Variants in PRDM16 observed in about 807,000 individuals in gnomAD.
PRDM16 encodes histone-lysine N-methyltransferase PRDM16.
A neutral mutation model predicts 110.6 loss-of-function variants in PRDM16; 23 were observed. The observed-to-expected ratio is 0.21, with a 90% CI of 0.15 to 0.29. The LOEUF is 0.29. Ranked by LOEUF, PRDM16 falls within the 10% of genes least tolerant of loss-of-function variation. The pLI is 1.00. For synonymous variants in PRDM16, 799 were observed against 781.8 expected (o/e 1.02, Z -0.37); for missense variants, 1,615 against 1,794.3 (o/e 0.90, Z 1.81).
intron 1 of PRDM16, among the ~76,000 whole-genome samples, chr1:3,139,886 G>C (rs971590671): frequency 2.6e-5 from 4 of 152,232 alleles, no homozygotes; most frequent in African/African-American, 9.6e-5. Flanking sequence ...CCCTGGTTCA[G>C]AGCTGTCCCC....
rs1373807500 is a variant in PRDM16, at chr1:3,438,047, T to C, written c.*4236T>C. ...GTTTAGTTTTGTTTTGTTTTGTTTT[T>C]TCTTTTAGAACTGTATAGTATTGAA... is the stretch of plus-strand genomic sequence containing the variant. On this transcript the variant is annotated 3_prime_UTR_variant, in exon 17 of 17. Coordinates refer to ENST00000270722, the MANE Select transcript of PRDM16 (RefSeq NM_022114.4). 4.8e-6 allele frequency: 1 copy of C among 209,498 alleles called. No individual in the cohort carries two copies. Among genetic ancestry groups the C allele is most frequent in the African/African-American group, 2.3e-5 (1 of 44,046 alleles). The allele number at this position is 209,498 out of a possible 1,614,324, so 13.0% of individuals were successfully genotyped here. A position where few individuals can be genotyped will look rare whatever the true frequency, so the allele number is the denominator to read the frequency against.
At chr1:3,219,457 T>C (rs774752145) in intron 2 of PRDM16, among the ~76,000 whole-genome samples, 2 of 152,230 alleles carry the variant, frequency 1.3e-5, no homozygotes, top group East Asian at 1.9e-4. Flanking sequence ...TTCTTTCCCC[T>C]TGGAGCTGGG....
rs1476958948 is a variant in PRDM16 at position 3,421,961 on chromosome 1, AAGAC to A, written c.2939+3224_2939+3227del. ...ACAGACAGGCAGGCGGACAGACAGG[AAGAC>A]AGACAGGCAGGCGGACAGACAGGCA... On this transcript the variant is annotated intron_variant, in intron 12 of 16. Transcript: ENST00000270722. Among the ~76,000 whole-genome samples the A allele has an allele frequency of 3.7e-4, 53 of 141,480 alleles. No individual in the cohort carries two copies. The East Asian group carries it at 8.1e-3, about 22-fold the overall frequency. 92.8% of individuals were successfully genotyped at this position (141,480 alleles called of 152,430 possible).
chr1:3,437,668 G>A lies in PRDM16; in HGVS notation c.*3857G>A. 4.4e-6 allele frequency: 1 copy of A among 226,516 alleles called. No individual in the cohort carries two copies. Among genetic ancestry groups the A allele is most frequent in the Non-Finnish European group, 8.8e-6 (1 of 113,832 alleles). 14.0% of individuals were successfully genotyped at this position (226,516 alleles called of 1,614,324 possible). A position where few individuals can be genotyped will look rare whatever the true frequency, so the allele number is the denominator to read the frequency against. On this transcript the variant is annotated 3_prime_UTR_variant, in exon 17 of 17. Transcript: ENST00000270722. ...CAAAACCATCCTTGCATTCTTCCTAGAAGAGTTCCTCTGCTCCTTCCATTC... is the reference window on the plus strand; with the variant it reads ...CAAAACCATCCTTGCATTCTTCCTAAAAGAGTTCCTCTGCTCCTTCCATTC...
At chr1:3,354,816 G>A (rs902393302) in intron 3 of PRDM16, among the ~76,000 whole-genome samples, 1 of 152,180 alleles carries the variant, frequency 6.6e-6, no homozygotes, top group Non-Finnish European at 1.5e-5. Flanking sequence ...GACAGGAGGG[G>A]ACATTTCGAT....
intron 1 of PRDM16, among the ~76,000 whole-genome samples, chr1:3,106,521 G>T (rs942280585): frequency 2.0e-5 from 3 of 152,210 alleles, no homozygotes; most frequent in Non-Finnish European, 4.4e-5. Flanking sequence ...CAGGGATGGG[G>T]ATCCTGCCAG....
intron 3 of PRDM16, among the ~76,000 whole-genome samples, chr1:3,310,450 G>A (rs1375027732): frequency 1.3e-5 from 2 of 152,182 alleles, no homozygotes; most frequent in African/African-American, 4.8e-5. Context: ...CCTCCTCTGA[G>A]CTCTGGCCCT....
intron 1 of PRDM16, among the ~76,000 whole-genome samples, chr1:3,079,977 A>T (rs1183557673): frequency 1.3e-5 from 2 of 152,252 alleles, no homozygotes; most frequent in African/African-American, 4.8e-5. Flanking sequence ...TGGTTGCCTC[A>T]GTAGCGCGTG....
chr1:3,099,429 C>T (rs1049843293), intron 1 of PRDM16, among the ~76,000 whole-genome samples: 6 of 152,230 alleles, frequency 3.9e-5, no homozygotes, highest in Non-Finnish European at 8.8e-5. Context: ...GCCCCGGAGC[C>T]CCGGATGCTC....
rs558542985 is a variant in PRDM16, at chr1:3,433,468, T to C, written c.3697-209T>C. On this transcript the variant is annotated intron_variant, in intron 16 of 16. Coordinates refer to ENST00000270722, the MANE Select transcript of PRDM16 (RefSeq NM_022114.4). ...ACTCACCTGCCTGTCCAGGATGGCC[T>C]GCCCTGCCCATCTGCTGCCTGTCTG... is the stretch of plus-strand genomic sequence containing the variant. Among the ~76,000 whole-genome samples the C allele has an allele frequency of 3.8e-4, 57 of 151,666 alleles. 1 individual carries two copies. Among genetic ancestry groups the C allele is most frequent in the South Asian group, 2.3e-3 (11 of 4,788 alleles).
rs554670298 is a variant in PRDM16, at chr1:3,416,793, C to T, written c.2692-1035C>T. On this transcript the variant is annotated intron_variant, in intron 10 of 16. Transcript: ENST00000270722. ...CTTCAGCAGGCTGGGTGTGTGGTGC[C>T]GAGGCCCGGGGTTTGTTCCCTGTTT... Among the ~76,000 whole-genome samples the T allele has an allele frequency of 6.6e-5, 10 of 152,306 alleles. No individual in the cohort carries two copies. In the East Asian group the frequency reaches 1.7e-3, roughly 27 times the overall value.
rs980178791 is a variant in PRDM16 at position 3,382,790 on chromosome 1, G to T, written c.439-2362G>T. 3.3e-5 allele frequency among the ~76,000 whole-genome samples: 5 copies of T among 152,190 alleles called. No individual in the cohort carries two copies. The South Asian group carries it at 8.3e-4, about 25-fold the overall frequency. On this transcript the variant is annotated intron_variant, in intron 3 of 16. Coordinates refer to ENST00000270722, the MANE Select transcript of PRDM16 (RefSeq NM_022114.4). This position sits in a 1 kb window ranked among gnomAD's most constrained non-coding sequence, Gnocchi z 6.6. ...TCCGGGTCCCAGGTGGGAGGGCACG[G>T]CCCGCCCTGGGTGAGCACCAGCCCT...
intron 3 of PRDM16, among the ~76,000 whole-genome samples, chr1:3,340,207 C>G (rs952594292): frequency 6.6e-6 from 1 of 152,084 alleles, no homozygotes; most frequent in Non-Finnish European, 1.5e-5. Context: ...GTAGCCGAGT[C>G]CTTACCTGGG....
At chr1:3,166,857 C>T (rs1365911786) in intron 1 of PRDM16, among the ~76,000 whole-genome samples, 2 of 152,222 alleles carry the variant, frequency 1.3e-5, no homozygotes, top group African/African-American at 4.8e-5. Flanking sequence ...GCTGGCCGTG[C>T]ACCCTGGTTC....
intron 2 of PRDM16, among the ~76,000 whole-genome samples, chr1:3,218,193 G>A (rs1048840817): frequency 3.0e-4 from 45 of 152,232 alleles, no homozygotes; most frequent in African/African-American, 1.1e-3. Flanking sequence ...GCAGGGAGCC[G>A]CAGGGCTCTT....
chr1:3,361,631 G>A (rs567295119), intron 3 of PRDM16, among the ~76,000 whole-genome samples: 10 of 152,360 alleles, frequency 6.6e-5, no homozygotes, highest in Non-Finnish European at 8.8e-5. Context: ...ATGGGGAATC[G>A]GAAGGATGGT....
At chr1:3,372,146 C>T (rs1642918210) in intron 3 of PRDM16, among the ~76,000 whole-genome samples, 1 of 152,214 alleles carries the variant, frequency 6.6e-6, no homozygotes, top group Non-Finnish European at 1.5e-5. Flanking sequence ...ATGCACAAAC[C>T]CCTCAGGAAC....
rs1177158038 is a variant in PRDM16, at chr1:3,383,841, G to A, written c.439-1311G>A. Among the ~76,000 whole-genome samples the A allele has an allele frequency of 4.9e-5, 4 of 82,364 alleles. No homozygotes were observed. In the Admixed American group the frequency reaches 5.3e-4, roughly 11 times the overall value. The allele number at this position is 82,364 out of a possible 152,430, so 54.0% of individuals were successfully genotyped here. On this transcript the variant is annotated intron_variant, in intron 3 of 16. Coordinates refer to ENST00000270722, the MANE Select transcript of PRDM16 (RefSeq NM_022114.4). ...GACACACCTGCTCAAAGACACACCT[G>A]CCTAAGGACACACCTGCCCACCAGG... is the stretch of plus-strand genomic sequence containing the variant.
intron 1 of PRDM16, among the ~76,000 whole-genome samples, chr1:3,073,085 G>C (rs182331068): frequency 4.3e-4 from 65 of 152,336 alleles, no homozygotes; most frequent in African/African-American, 1.3e-3. Flanking sequence ...GTGCCAGCCC[G>C]ACATCCTGGC....
Sources: gnomAD v4.1 joint callset for allele counts (sites outside exome capture counted in the v4.1 genomes callset) on GRCh38, gnomAD v4.1.1 for gene constraint, Gnocchi (gnomAD v3.1) non-coding constraint, MANE v1.5 for transcripts, NCBI Gene and HGNC (gene_info 2026-07-23, HGNC 2026-07-21) for gene names.